KATNIP: variants seen among roughly 807,000 people sequenced by gnomAD.
The protein encoded by KATNIP is katanin-interacting protein.
In KATNIP, 126 loss-of-function variants were observed where a neutral mutation model predicts 174.0. The ratio of observed to expected loss-of-function variants is 0.72; its 90% CI spans 0.63 to 0.84. The LOEUF is 0.84. Among genes scored for constraint, KATNIP ranks in the 40% least tolerant of loss-of-function variants. KATNIP has a pLI of 0.00. For synonymous variants in KATNIP, 810 were observed against 835.7 expected (o/e 0.97, Z 0.53); for missense variants, 1,958 against 2,109.7 (o/e 0.93, Z 1.41).
intron 14 of KATNIP, among the ~76,000 whole-genome samples, chr16:27,723,413 C>T (rs1295081554): frequency 6.6e-6 from 1 of 151,890 alleles, no homozygotes; most frequent in African/African-American, 2.4e-5. Flanking sequence ...TCAGAATGCC[C>T]ATCTCTGCCT....
At chr16:27,717,987 C>G (rs902100671) in intron 13 of KATNIP, among the ~76,000 whole-genome samples, 21 of 152,292 alleles carry the variant, frequency 1.4e-4, no homozygotes, top group Admixed American at 4.6e-4. Flanking sequence ...TTATGAGCCA[C>G]CTTCCCTGCC....
intron 6 of KATNIP, among the ~76,000 whole-genome samples, chr16:27,676,346 C>T (rs1325224407): frequency 1.3e-5 from 2 of 152,156 alleles, no homozygotes; most frequent in Non-Finnish European, 2.9e-5. Flanking sequence ...TGAGTCCTCA[C>T]CAGTGGTGCC....
chr16:27,755,348 G>A (rs971369404), intron 18 of KATNIP: 1 of 152,236 alleles, frequency 6.6e-6, no homozygotes, highest in Non-Finnish European at 1.5e-5. Flanking sequence ...GCCTTCTGAC[G>A]ACCACCTGTC....
At chr16:27,757,960 G>T (rs1367329575) in intron 18 of KATNIP, among the ~76,000 whole-genome samples, 1 of 152,174 alleles carries the variant, frequency 6.6e-6, no homozygotes, top group Non-Finnish European at 1.5e-5. Context: ...GAGCTGAGAG[G>T]GTTGAAACAT....
intron 22 of KATNIP, among the ~76,000 whole-genome samples, chr16:27,772,080 T>A (rs1005013425): frequency 6.6e-6 from 1 of 152,062 alleles, no homozygotes; most frequent in African/African-American, 2.4e-5. Flanking sequence ...AGTTTGAGAC[T>A]AGCCTGGGCA....
intron 13 of KATNIP, among the ~76,000 whole-genome samples, chr16:27,713,892 A>G (rs967484690): frequency 5.4e-5 from 7 of 130,792 alleles, no homozygotes; most frequent in African/African-American, 2.0e-4. Flanking sequence ...TACTTGAAAC[A>G]TGTTCACTGT....
At chr16:27,659,868 C>T (rs1459153547) in intron 6 of KATNIP, 4 of 229,544 alleles carry the variant, frequency 1.7e-5, no homozygotes, top group African/African-American at 2.3e-5. Context: ...TTTGGTGGCA[C>T]GCCATGGTTA....
At chr16:27,608,152 T>C (rs2075767596) in intron 2 of KATNIP, among the ~76,000 whole-genome samples, 1 of 152,222 alleles carries the variant, frequency 6.6e-6, no homozygotes, top group Admixed American at 6.5e-5. Flanking sequence ...GTATAACTGA[T>C]TCTTGGCATT....
intron 8 of KATNIP, 53 bp from the exon 9 acceptor site, chr16:27,698,275 C>A (rs556672143): frequency 1.9e-6 from 3 of 1,541,572 alleles, no homozygotes; most frequent in African/African-American, 1.4e-5. Context: ...GGGTTGTGAG[C>A]TGCACTCCGA....
intron 18 of KATNIP, among the ~76,000 whole-genome samples, chr16:27,756,252 C>A (rs949033158): frequency 2.6e-5 from 4 of 152,236 alleles, no homozygotes; most frequent in African/African-American, 9.6e-5. Flanking sequence ...ATTTGGAATT[C>A]TCATAGCCCC....
At chr16:27,560,283 GAAA>G (rs765910684) in intron 1 of KATNIP, among the ~76,000 whole-genome samples, 1 of 44,988 alleles carries the variant, frequency 2.2e-5, no homozygotes, top group Non-Finnish European at 5.0e-5. Context: ...CTCTGTCTCA[GAAA>G]AAAAAAAAAA....
chr16:27,774,992 G>A lies in KATNIP; in HGVS notation c.4357G>A (p.Gly1453Arg), dbSNP rs146591751. 6.0e-4 allele frequency: 969 copies of A among 1,613,822 alleles called. 15 individuals are homozygous for A. The East Asian group carries it at 0.02, about 33-fold the overall frequency. The change falls in exon 24 of 28, where the codon GGG (glycine) becomes AGG (arginine). Residue 1453 changes from glycine to arginine, a missense_variant. By Grantham distance (125) the Gly-to-Arg change is moderately radical. Around this residue, in one of 3 missense-constraint regions of KATNIP, gnomAD observed 383 missense variants for 456.0 expected, o/e 0.84. Transcript: ENST00000261588. ...CGTGAACTCCCTGGAGGGTGTGGGC[G>A]GGGACGTCCGCACCCCAGACAAGCT... is the stretch of plus-strand genomic sequence containing the variant. ...DSVNSLEGVG[G>R]DVRTPDKLID... is the part of the protein sequence containing the mutation.
chr16:27,608,297 C>A (rs1265173941), intron 2 of KATNIP, among the ~76,000 whole-genome samples: 1 of 139,486 alleles, frequency 7.2e-6, no homozygotes, highest in Non-Finnish European at 1.5e-5. Context: ...CTGGTGCAAT[C>A]ATAGCTCACT....
At position 27,777,985 on chromosome 16, in the gene KATNIP, C is replaced by G; in HGVS notation, c.4801+16C>G. On this transcript the variant is annotated intron_variant, in intron 27 of 27. Coordinates refer to ENST00000261588, the MANE Select transcript of KATNIP (RefSeq NM_015202.5). This position sits in a 1 kb window ranked among gnomAD's most constrained non-coding sequence, Gnocchi z 4.4. The stretch of plus-strand genomic sequence containing the variant: ...GTTGACCCAGGTCAGTGGCGTTTCT[C>G]TGCCCAGAGCATTGTGCCTTGGGAG... 1.2e-6 allele frequency: 2 copies of G among 1,610,890 alleles called. No individual in the cohort carries two copies. Among genetic ancestry groups the G allele is most frequent in the East Asian group, 4.5e-5 (2 of 44,876 alleles).
At chr16:27,743,572 T>G (rs1034130288) in intron 15 of KATNIP, among the ~76,000 whole-genome samples, 1 of 152,054 alleles carries the variant, frequency 6.6e-6, no homozygotes, top group African/African-American at 2.4e-5. Flanking sequence ...TCATGGCAGG[T>G]CCTCCACAGT....
chr16:27,550,192 G>GC lies in KATNIP; in HGVS notation c.7+19dup. On this transcript the variant is annotated intron_variant, in intron 1 of 27. Coordinates refer to ENST00000261588, the MANE Select transcript of KATNIP (RefSeq NM_015202.5). The stretch of plus-strand genomic sequence containing the variant: ...AGGGATGGACGGTGAGTGTCTGTGG[G>GC]CCCCTCCGGGAGGTCGGGCTGTTAT... 2.5e-6 allele frequency: 4 copies of GC among 1,608,196 alleles called. No individual in the cohort carries two copies. Among genetic ancestry groups the GC allele is most frequent in the Non-Finnish European group, 8.5e-7 (1 of 1,175,754 alleles).
chr16:27,701,414 G>T (rs1295740476), intron 10 of KATNIP, 175 bp from the exon 11 acceptor site: 2 of 567,546 alleles, frequency 3.5e-6, no homozygotes, highest in African/African-American at 3.8e-5. Context: ...CTGAGATGGT[G>T]TGAGGGGTTC....
chr16:27,740,105 A>G lies in KATNIP; in HGVS notation c.1808A>G (p.Lys603Arg), dbSNP rs543398324. The G allele has an allele frequency of 6.2e-7, 1 of 1,614,228 alleles. No individual in the cohort carries two copies. The highest frequency in any genetic ancestry group is 1.1e-5 in the South Asian group (1 of 91,076). ...AACAGAAACCTCATCTTCAATGGCA[A>G]GTTAGACAAAGGAGATAGGGAGGCC... is the stretch of plus-strand genomic sequence containing the variant. ...YVNRNLIFNG[K>R]LDKGDREAPA... Residue 603 changes from lysine (K) to arginine (R), a missense_variant, in exon 15 of 28, where the codon AAG becomes AGG. Coordinates refer to ENST00000261588, the MANE Select transcript of KATNIP (RefSeq NM_015202.5).
At position 27,778,961 on chromosome 16, in the gene KATNIP, T is replaced by A. The variant is rs2082602100; in HGVS notation, c.*332T>A. ...CTGACCCTGACTCAGAACAGGACAATGACGGGGTGGGGAGGCATCCCATCC... is the reference window on the plus strand; with the variant it reads ...CTGACCCTGACTCAGAACAGGACAAAGACGGGGTGGGGAGGCATCCCATCC... On this transcript the variant is annotated 3_prime_UTR_variant, in exon 28 of 28. Transcript: ENST00000261588. The A allele has an allele frequency of 7.6e-6, 2 of 264,120 alleles. No homozygotes were observed. The highest frequency in any genetic ancestry group is 7.1e-6 in the Non-Finnish European group (1 of 140,890). 16.4% of individuals were successfully genotyped at this position (264,120 alleles called of 1,614,324 possible). A position where few individuals can be genotyped will look rare whatever the true frequency, so the allele number is the denominator to read the frequency against.
Sources: gnomAD v4.1 joint callset for allele counts (sites outside exome capture counted in the v4.1 genomes callset) on GRCh38, gnomAD v4.1.1 for gene constraint, gnomAD v4.1.1 regional missense constraint, Gnocchi (gnomAD v3.1) non-coding constraint, MANE v1.5 for transcripts, NCBI Gene and HGNC (gene_info 2026-07-23, HGNC 2026-07-21) for gene names.